The following IFT74 variants were observed in gnomAD, a reference collection of about 807,000 sequenced individuals.
IFT74 encodes the protein intraflagellar transport 74.
A neutral mutation model predicts 96.7 loss-of-function variants in IFT74; 92 were observed. The observed-to-expected ratio is 0.95, with a 90% CI of 0.80 to 1.13. The LOEUF is 1.13. IFT74 is among the 50% of genes most tolerant of loss of function. The pLI is 0.00. For missense variants in IFT74, 811 were observed against 698.2 expected, an observed-to-expected ratio of 1.16 and a Z score of -1.82; for synonymous variants, 223 against 213.2, an observed-to-expected ratio of 1.05 and a Z score of -0.40.
Position 26,962,096 on chromosome 9 carries a change from G to A in IFT74, c.120+9G>A. ...TTCGAGTGGCAACTGCAGTAAGTTT[G>A]AAACAAATCTATTTACTTTGGGAGG... On this transcript the variant is annotated intron_variant, in intron 2 of 19. Coordinates refer to ENST00000380062, the MANE Select transcript of IFT74 (RefSeq NM_025103.4). 6.2e-7 allele frequency: 1 copy of A among 1,614,014 alleles called. No homozygotes were observed. The highest frequency in any genetic ancestry group is 8.5e-7 in the Non-Finnish European group (1 of 1,179,946).
At chr9:27,002,000 A>G (rs1450411349) in intron 8 of IFT74, among the ~76,000 whole-genome samples, 2 of 151,860 alleles carry the variant, frequency 1.3e-5, no homozygotes, top group Non-Finnish European at 2.9e-5. Context: ...CAGGCTGTAC[A>G]GGATGCACGT....
intron 13 of IFT74, among the ~76,000 whole-genome samples, chr9:27,041,518 G>A (rs555758261): frequency 9.9e-5 from 15 of 152,160 alleles, no homozygotes; most frequent in African/African-American, 3.1e-4. Flanking sequence ...CAAATGCTCC[G>A]AATTAAAGGA....
intron 2 of IFT74, among the ~76,000 whole-genome samples, chr9:26,971,241 A>G (rs938774833): frequency 6.6e-6 from 1 of 152,176 alleles, no homozygotes; most frequent in African/African-American, 2.4e-5. Context: ...ACACTTTGGA[A>G]TGGTCTTAGC....
chr9:26,990,202 A>G lies in IFT74; in HGVS notation c.587+7A>G, dbSNP rs1286186289. 3.7e-6 allele frequency: 5 copies of G among 1,365,988 alleles called. No homozygotes were observed. The highest frequency in any genetic ancestry group is 1.9e-5 in the South Asian group (1 of 52,812). 84.6% of individuals were successfully genotyped at this position (1,365,988 alleles called of 1,614,324 possible). A position where few individuals can be genotyped will look rare whatever the true frequency, so the allele number is the denominator to read the frequency against. ...TATTTACTGAAAGACAAGCGTAAGT[A>G]TAGCTAATTTAAAAATTAGATTCAT... is the stretch of plus-strand genomic sequence containing the variant. On this transcript the variant is annotated splice_region_variant and intron_variant, in intron 8 of 19. Coordinates refer to ENST00000380062, the MANE Select transcript of IFT74 (RefSeq NM_025103.4).
At chr9:27,017,088 T>G in intron 11 of IFT74, 38 bp downstream of exon 11, 2 of 1,564,884 alleles carry the variant, frequency 1.3e-6, no homozygotes, top group Non-Finnish European at 1.7e-6. Flanking sequence ...AGATGTCTGG[T>G]TTTGGTACAT....
At chr9:26,992,194 A>G (rs947267296) in intron 8 of IFT74, among the ~76,000 whole-genome samples, 2 of 152,216 alleles carry the variant, frequency 1.3e-5, no homozygotes, top group African/African-American at 4.8e-5. Context: ...CAGATATTTC[A>G]TCTGAAAACA....
At chr9:26,953,058 A>G (rs984921787), upstream of IFT74, among the ~76,000 whole-genome samples, 41 of 152,268 alleles carry the variant, frequency 2.7e-4, no homozygotes, top group African/African-American at 8.9e-4. Context: ...AACAAATAAG[A>G]AAGTTTGTGT....
intron 1 of IFT74, 53 bp downstream of exon 1, chr9:26,956,569 T>C (rs936482351): frequency 5.2e-5 from 8 of 152,384 alleles, no homozygotes; most frequent in African/African-American, 1.7e-4. Flanking sequence ...GTCTGTTCTC[T>C]TGCCTTGGAG....
chr9:26,966,304 G>C (rs868254284), intron 2 of IFT74, among the ~76,000 whole-genome samples: 1 of 151,826 alleles, frequency 6.6e-6, no homozygotes, highest in African/African-American at 2.4e-5. Flanking sequence ...CTGTACAAAG[G>C]TTCCCTTTTC....
At chr9:26,955,237 G>A (rs548779577), upstream of IFT74, among the ~76,000 whole-genome samples, 1 of 152,252 alleles carries the variant, frequency 6.6e-6, no homozygotes, top group East Asian at 1.9e-4. Context: ...TCCCAATAAA[G>A]CCTCTGAGTA....
chr9:26,980,190 G>A (rs1827308526), intron 3 of IFT74, among the ~76,000 whole-genome samples: 1 of 152,148 alleles, frequency 6.6e-6, no homozygotes, highest in South Asian at 2.1e-4. Flanking sequence ...CAAATTTTAA[G>A]TGCTTCTGTA....
At chr9:26,957,771 A>G (rs1393708904) in intron 1 of IFT74, among the ~76,000 whole-genome samples, 1 of 151,908 alleles carries the variant, frequency 6.6e-6, no homozygotes. Context: ...CAGAGAAATC[A>G]TTTTAGTCCA....
At chr9:26,966,260 A>G (rs1826607602) in intron 2 of IFT74, among the ~76,000 whole-genome samples, 1 of 152,122 alleles carries the variant, frequency 6.6e-6, no homozygotes, top group South Asian at 2.1e-4. Context: ...ACTGTTCTCC[A>G]TAGTAGTTAT....
intron 1 of IFT74, among the ~76,000 whole-genome samples, chr9:26,961,088 T>G (rs549160790): frequency 2.0e-5 from 3 of 149,978 alleles, no homozygotes; most frequent in East Asian, 1.9e-4. Flanking sequence ...ATCTTGTTTT[T>G]TTTTTTTTTT....
Position 27,058,093 on chromosome 9 carries a change from C to CT in IFT74, c.1623+1647dup, listed in dbSNP as rs952005404. Reference sequence around the variant, plus strand: ...CATTTTCTTAACTTTTTTCAGCCTTCTTTTTTTTTTTTTCAAACAGAGTCT... The same window carrying CT: ...CATTTTCTTAACTTTTTTCAGCCTTCTTTTTTTTTTTTTTCAAACAGAGTCT... On this transcript the variant is annotated intron_variant, in intron 18 of 19. Transcript: ENST00000380062. Among the ~76,000 whole-genome samples, 1,011 of 143,778 alleles carry CT rather than the reference C, an allele frequency of 7.0e-3. 11 individuals are homozygous for CT. The highest frequency in any genetic ancestry group is 0.019 in the African/African-American group (753 of 39,452). The allele number at this position is 143,778 out of a possible 152,430, so 94.3% of individuals were successfully genotyped here.
intron 2 of IFT74, among the ~76,000 whole-genome samples, chr9:26,977,788 T>G (rs76360112): frequency 0.047 from 7,204 of 152,260 alleles, 229 homozygotes; most frequent in South Asian, 0.13. Context: ...CACACCCAAC[T>G]TAAACTGCCC....
At chr9:27,012,537 CACAT>C (rs1242054039) in intron 10 of IFT74, among the ~76,000 whole-genome samples, 2 of 151,986 alleles carry the variant, frequency 1.3e-5, no homozygotes, top group African/African-American at 4.8e-5. Flanking sequence ...AATTTAAAGA[CACAT>C]ACACAAGAGA....
chr9:26,978,050 T>C lies in IFT74; in HGVS notation c.121-78T>C, dbSNP rs115193497. ...GTAGAATTTTGTTTTTTTAAAAAAT[T>C]GTCTTTGCAGTTTTACAATAAAAGA... is the stretch of plus-strand genomic sequence containing the variant. On this transcript the variant is annotated intron_variant, in intron 2 of 19. Coordinates refer to ENST00000380062, the MANE Select transcript of IFT74 (RefSeq NM_025103.4). 3,149 of 1,308,192 alleles carry C rather than the reference T, an allele frequency of 2.4e-3. 68 individuals are homozygous for C. In the African/African-American group the frequency reaches 0.043, roughly 18 times the overall value. The allele number at this position is 1,308,192 out of a possible 1,614,324, so 81.0% of individuals were successfully genotyped here.
intron 8 of IFT74, 101 bp from the exon 9 acceptor site, chr9:27,008,919 T>C (rs897803833): frequency 1.1e-6 from 1 of 888,942 alleles, no homozygotes; most frequent in African/African-American, 1.7e-5. Flanking sequence ...TGGTTGAATG[T>C]CTTTAAGTAT....
Sources: gnomAD v4.1 joint callset for allele counts (sites outside exome capture counted in the v4.1 genomes callset) on GRCh38, gnomAD v4.1.1 for gene constraint, MANE v1.5 for transcripts, NCBI Gene and HGNC (gene_info 2026-07-23, HGNC 2026-07-21) for gene names.